DAB1: variants seen among roughly 807,000 people sequenced by gnomAD.
The protein encoded by DAB1 is DAB adaptor protein 1, also known as disabled homolog 1.
In DAB1, 15 loss-of-function variants were observed where a neutral mutation model predicts 64.6. The ratio of observed to expected loss-of-function variants is 0.23; its 90% CI spans 0.16 to 0.36. The LOEUF (loss-of-function observed/expected upper bound fraction) is 0.36. DAB1 is among the 10% of genes least tolerant of loss of function. The pLI is 1.00. For missense variants in DAB1, 596 were observed against 706.7 expected, an observed-to-expected ratio of 0.84 and a Z score of 1.78; for synonymous variants, 235 against 251.9, an observed-to-expected ratio of 0.93 and a Z score of 0.64.
At chr1:58,165,160 C>T (rs1186970134) in intron 4 of DAB1, among the ~76,000 whole-genome samples, 7 of 152,156 alleles carry the variant, frequency 4.6e-5, no homozygotes, top group African/African-American at 1.2e-4. Context: ...CATTAATCGC[C>T]ACATTCACAC....
At chr1:57,307,500 T>TAGACCGCACCTGCCAGACCGCACCTCCC (rs147533457) in intron 1 of DAB1, 1 of 153,028 alleles carries the variant, frequency 6.5e-6, no homozygotes, top group African/African-American at 2.4e-5. Context: ...CTGTTGAATC[T>TAGACCGCACCTGCCAGACCGCACCTCCC]AGACCGCACC....
chr1:58,200,372 T>G (rs1429816347), intron 4 of DAB1, among the ~76,000 whole-genome samples: 2 of 152,186 alleles, frequency 1.3e-5, no homozygotes, highest in Non-Finnish European at 2.9e-5. Flanking sequence ...CCCACTCACC[T>G]CCTCGCTTAG....
At chr1:58,536,727 C>A (rs1486937683) in intron 1 of DAB1, 1 of 872,478 alleles carries the variant, frequency 1.1e-6, no homozygotes, top group Admixed American at 1.7e-5. Context: ...TGCCTGCCAC[C>A]ATTTCCTTAT....
At chr1:57,969,433 C>T (rs1168543022) in intron 5 of DAB1, among the ~76,000 whole-genome samples, 1 of 152,142 alleles carries the variant, frequency 6.6e-6, no homozygotes, top group African/African-American at 2.4e-5. Context: ...ACCTCCACCT[C>T]CCAGGTTTAA....
At chr1:57,241,039 CA>C (rs1055906770) in intron 2 of DAB1, among the ~76,000 whole-genome samples, 2 of 152,292 alleles carry the variant, frequency 1.3e-5, no homozygotes, top group Non-Finnish European at 2.9e-5. Flanking sequence ...CATCCACCAG[CA>C]GAGTGGATAT....
intron 5 of DAB1, among the ~76,000 whole-genome samples, chr1:58,076,795 G>T (rs1270348933): frequency 6.6e-6 from 1 of 152,122 alleles, no homozygotes; most frequent in Admixed American, 6.5e-5. Context: ...GGCTCTGAAG[G>T]CAGTGACAGA....
At chr1:58,125,494 G>A (rs984583233) in intron 5 of DAB1, among the ~76,000 whole-genome samples, 1 of 149,492 alleles carries the variant, frequency 6.7e-6, no homozygotes, top group African/African-American at 2.5e-5. Flanking sequence ...AGGCTGGAGT[G>A]CAGTGTTTGC....
chr1:57,905,227 C>A (rs968508166), intron 5 of DAB1, among the ~76,000 whole-genome samples: 12 of 151,784 alleles, frequency 7.9e-5, no homozygotes, highest in African/African-American at 2.9e-4. Flanking sequence ...TTGCATTAAA[C>A]CCCTCTGCTC....
At chr1:57,806,825 T>C (rs141938205) in intron 6 of DAB1, among the ~76,000 whole-genome samples, 78 of 152,320 alleles carry the variant, frequency 5.1e-4, no homozygotes, top group African/African-American at 1.6e-3. Flanking sequence ...TACGTCCCAC[T>C]TCCCTTCTCT....
intron 7 of DAB1, among the ~76,000 whole-genome samples, chr1:57,463,390 A>G (rs1216805916): frequency 6.6e-6 from 1 of 152,202 alleles, no homozygotes; most frequent in East Asian, 1.9e-4. Context: ...TCACAATATA[A>G]TAAGGATTTA....
chr1:57,682,384 C>T (rs990802654), intron 6 of DAB1, among the ~76,000 whole-genome samples: 1 of 146,830 alleles, frequency 6.8e-6, no homozygotes, highest in Non-Finnish European at 1.5e-5. Context: ...GACAAGATGG[C>T]CTACTAGATG....
chr1:58,208,209 C>T (rs1333272501), intron 4 of DAB1, among the ~76,000 whole-genome samples: 1 of 152,184 alleles, frequency 6.6e-6, no homozygotes, highest in Non-Finnish European at 1.5e-5. Flanking sequence ...GGTAGGGATA[C>T]AGCCAAACCA....
chr1:57,095,675 C>G (rs143463801), intron 4 of DAB1, among the ~76,000 whole-genome samples: 146 of 152,188 alleles, frequency 9.6e-4, no homozygotes, highest in African/African-American at 3.1e-3. Context: ...TGGGAACCAG[C>G]TTGAATGAAA....
intron 3 of DAB1, among the ~76,000 whole-genome samples, chr1:58,471,342 T>G (rs1349303013): frequency 2.6e-5 from 4 of 152,208 alleles, no homozygotes; most frequent in Non-Finnish European, 5.9e-5. Flanking sequence ...ATATTCACTA[T>G]CCTTGGAAAG....
chr1:57,134,220 A>G (rs966609541), intron 4 of DAB1, among the ~76,000 whole-genome samples: 4 of 152,138 alleles, frequency 2.6e-5, no homozygotes, highest in Non-Finnish European at 4.4e-5. Context: ...ACTTCTATCA[A>G]TTAGTCTTGG....
chr1:57,841,276 C>G (rs1653036220), intron 1 of DAB1, among the ~76,000 whole-genome samples: 1 of 152,220 alleles, frequency 6.6e-6, no homozygotes, highest in African/African-American at 2.4e-5. Flanking sequence ...GCAGGGTCAA[C>G]TCCTGCAGCT....
intron 7 of DAB1, among the ~76,000 whole-genome samples, chr1:57,448,902 A>C (rs1015788598): frequency 7.2e-5 from 11 of 152,106 alleles, no homozygotes; most frequent in Non-Finnish European, 1.5e-4. Context: ...TTATGCTCCA[A>C]ATGTTGGTTA....
At chr1:57,875,160 G>T (rs1185985586) in intron 1 of DAB1, 2 of 152,120 alleles carry the variant, frequency 1.3e-5, no homozygotes, top group African/African-American at 2.4e-5. Context: ...GAGGTGTAAG[G>T]CCCCCTGGGT....
At chr1:58,024,556 T>C (rs112373855) in intron 5 of DAB1, among the ~76,000 whole-genome samples, 2 of 152,226 alleles carry the variant, frequency 1.3e-5, no homozygotes, top group Admixed American at 6.5e-5. Context: ...TACAGTAATA[T>C]AGATAATGAT....
Sources: allele counts gnomAD v4.1 joint callset (sites outside exome capture counted in the v4.1 genomes callset), GRCh38; gene constraint gnomAD v4.1.1; transcripts MANE v1.5; gene names NCBI Gene and HGNC (gene_info 2026-07-23, HGNC 2026-07-21).